The following ZFAT variants were observed in gnomAD, a reference collection of about 807,000 sequenced individuals.
The protein encoded by ZFAT is zinc finger protein ZFAT.
ZFAT carries 64 observed loss-of-function variants against 117.7 expected under a neutral mutation model. The ratio of observed to expected loss-of-function variants is 0.54; its 90% CI spans 0.44 to 0.67. ZFAT has a LOEUF of 0.67. Ranked by LOEUF, ZFAT falls within the 30% of genes least tolerant of loss-of-function variation. The pLI, the probability that ZFAT is intolerant of heterozygous loss-of-function variation, is 0.00. For missense variants in ZFAT, 1,433 were observed against 1,584.5 expected, an observed-to-expected ratio of 0.90 and a Z score of 1.62; for synonymous variants, 679 against 615.0, an observed-to-expected ratio of 1.10 and a Z score of -1.54.
intron 10 of ZFAT, among the ~76,000 whole-genome samples, chr8:134,583,256 C>G (rs1233498759): frequency 1.3e-5 from 2 of 152,194 alleles, no homozygotes; most frequent in Non-Finnish European, 1.5e-5. Flanking sequence ...CTCTACTTGA[C>G]CTGGTATCCC....
intron 11 of ZFAT, among the ~76,000 whole-genome samples, chr8:134,560,289 T>C (rs975739689): frequency 4.6e-5 from 7 of 152,154 alleles, no homozygotes; most frequent in Middle Eastern, 3.2e-3. Context: ...CCAAACTCAA[T>C]GTCTCTCACG....
the ZFAT span, among the ~76,000 whole-genome samples, chr8:134,770,020 A>AC: frequency 1.3e-5 from 2 of 152,166 alleles, no homozygotes; most frequent in African/African-American, 4.8e-5. Flanking sequence ...GGCCCACGAA[A>AC]CCACTTTTTC....
the ZFAT span, among the ~76,000 whole-genome samples, chr8:134,787,839 GTATT>G: frequency 9.9e-5 from 15 of 151,644 alleles, no homozygotes; most frequent in Admixed American, 3.3e-4. Context: ...AAAATTTCTT[GTATT>G]TATTTTACAC....
intron 1 of ZFAT, among the ~76,000 whole-genome samples, chr8:134,680,072 C>T (rs1832997869): frequency 6.6e-6 from 1 of 151,272 alleles, no homozygotes; most frequent in South Asian, 2.1e-4. Context: ...GTACATGTAC[C>T]CCTGAACTTA....
chr8:134,607,942 T>A (rs1046658231), intron 5 of ZFAT, among the ~76,000 whole-genome samples: 1 of 152,200 alleles, frequency 6.6e-6, no homozygotes, highest in Non-Finnish European at 1.5e-5. Context: ...CTCATATCCT[T>A]TGCTGTAGCA....
intron 11 of ZFAT, among the ~76,000 whole-genome samples, chr8:134,564,122 T>C (rs1824249387): frequency 7.0e-6 from 1 of 142,396 alleles, no homozygotes; most frequent in Non-Finnish European, 1.5e-5. Flanking sequence ...GCCACTGCAC[T>C]CCTGCCTGGG....
intron 12 of ZFAT, among the ~76,000 whole-genome samples, chr8:134,526,050 T>C (rs1821003474): frequency 6.6e-6 from 1 of 152,228 alleles, no homozygotes; most frequent in Admixed American, 6.5e-5. Context: ...CTTTTTGTTG[T>C]TGTTGTTGTT....
chr8:134,548,930 G>A (rs903025331), intron 11 of ZFAT, among the ~76,000 whole-genome samples: 5 of 152,296 alleles, frequency 3.3e-5, no homozygotes, highest in South Asian at 2.1e-4. Flanking sequence ...CGGAACACGC[G>A]AAAACAAAAG....
intron 11 of ZFAT, among the ~76,000 whole-genome samples, chr8:134,545,696 A>G (rs78572762): frequency 0.012 from 1,889 of 152,330 alleles, 34 homozygotes; most frequent in African/African-American, 0.043. Context: ...TTTTGCACCA[A>G]CCTAATAATT....
intron 10 of ZFAT, among the ~76,000 whole-genome samples, chr8:134,582,688 G>T (rs1430029256): frequency 2.0e-5 from 3 of 151,926 alleles, no homozygotes; most frequent in African/African-American, 4.8e-5. Context: ...CTTTAATTCT[G>T]ATGAATCCCA....
At chr8:134,579,666 A>G (rs1825581697) in intron 10 of ZFAT, among the ~76,000 whole-genome samples, 1 of 152,192 alleles carries the variant, frequency 6.6e-6, no homozygotes, top group Admixed American at 6.5e-5. Flanking sequence ...GTGTCAAGAA[A>G]AAAAGAACAC....
chr8:134,637,550 T>C lies in ZFAT; in HGVS notation c.359A>G (p.Lys120Arg), dbSNP rs1830293548. The C allele has an allele frequency of 1.2e-6, 2 of 1,614,120 alleles. No homozygotes were observed. The highest frequency in any genetic ancestry group is 1.7e-5 in the Admixed American group (1 of 60,008). Residue 120 changes from lysine (K) to arginine (R), a missense_variant, in exon 3 of 16, where the codon AAG becomes AGG. By Grantham distance (26) the Lys-to-Arg change is conservative (BLOSUM62 2). This residue lies in a region of ZFAT where 436 missense variants were observed against 482.0 expected (regional missense o/e 0.90). Transcript: ENST00000377838. ...SLPPSSLECS[K>R]CCRKFSNTRQ... ...CGTGTTGGAGAACTTCCGACAGCAC[T>C]TGCTACACTCCAAGCTGCTTGGAGG...
At position 134,618,741 on chromosome 8, in the gene ZFAT, C is replaced by A. The variant is rs79812169; in HGVS notation, c.449-8086G>T. Reference sequence around the variant, plus strand: ...ATATTCAAACAAAATATCATTTCTGCACAAAAGAAATAAATAATTACTTGG... The same window carrying A: ...ATATTCAAACAAAATATCATTTCTGAACAAAAGAAATAAATAATTACTTGG... On this transcript the variant is annotated intron_variant, in intron 3 of 15. Transcript: ENST00000377838. Among the ~76,000 whole-genome samples the A allele has an allele frequency of 1.8e-3, 274 of 152,258 alleles. 1 individual carries two copies. The highest frequency in any genetic ancestry group is 6.3e-3 in the African/African-American group (262 of 41,546).
At chr8:134,812,092 C>T in the ZFAT span, among the ~76,000 whole-genome samples, 457 of 152,026 alleles carry the variant, frequency 3.0e-3, no homozygotes, top group African/African-American at 0.01. Context: ...TGCAGTGAGC[C>T]GAGATCGCAC....
At chr8:134,811,915 G>A in the ZFAT span, among the ~76,000 whole-genome samples, 6 of 152,086 alleles carry the variant, frequency 3.9e-5, no homozygotes, top group South Asian at 2.1e-4. Context: ...AGGCTGAGGC[G>A]GGTGGATCAC....
At chr8:134,721,132 G>C in the ZFAT span, among the ~76,000 whole-genome samples, 1 of 152,208 alleles carries the variant, frequency 6.6e-6, no homozygotes, top group Non-Finnish European at 1.5e-5. Flanking sequence ...GAAGTGTGGG[G>C]TGAGAGCAAC....
At chr8:134,690,899 G>A (rs756511922) in intron 1 of ZFAT, among the ~76,000 whole-genome samples, 21 of 152,298 alleles carry the variant, frequency 1.4e-4, no homozygotes, top group Non-Finnish European at 2.2e-4. Flanking sequence ...ACCATGCTAG[G>A]TGCAATCAGA....
chr8:134,698,755 C>G (rs1226942743), intron 1 of ZFAT, among the ~76,000 whole-genome samples: 1 of 152,130 alleles, frequency 6.6e-6, no homozygotes, highest in Non-Finnish European at 1.5e-5. Context: ...CCTTTGACTC[C>G]TCCCCTGGAA....
chr8:134,631,495 T>G (rs1382924275), intron 3 of ZFAT, among the ~76,000 whole-genome samples: 1 of 152,206 alleles, frequency 6.6e-6, no homozygotes, highest in Non-Finnish European at 1.5e-5. Context: ...CTTCTGCATC[T>G]CAAATTCTTC....
Sources: allele counts gnomAD v4.1 joint callset (sites outside exome capture counted in the v4.1 genomes callset), GRCh38; gene constraint gnomAD v4.1.1; regional missense constraint gnomAD v4.1.1; transcripts MANE v1.5; gene names NCBI Gene and HGNC (gene_info 2026-07-23, HGNC 2026-07-21).